The following TENM4 variants were observed in gnomAD, a reference collection of about 807,000 sequenced individuals.
TENM4 encodes the protein teneurin transmembrane protein 4.
In TENM4, 82 loss-of-function variants were observed where a neutral mutation model predicts 243.3. That is an observed-to-expected ratio of 0.34 (90% confidence interval 0.28 to 0.40). TENM4 has a LOEUF of 0.40. TENM4 is among the 10% of genes least tolerant of loss of function. The pLI, the probability that TENM4 is intolerant of heterozygous loss-of-function variation, is 1.00. For missense variants in TENM4, 3,138 were observed against 3,673.3 expected (o/e 0.85, Z 3.77); for synonymous variants, 1,412 against 1,456.3 (o/e 0.97, Z 0.69).
chr11:79,290,653 C>T (rs1246145345), intron 2 of TENM4, among the ~76,000 whole-genome samples: 2 of 152,056 alleles, frequency 1.3e-5, no homozygotes, highest in Non-Finnish European at 2.9e-5. Flanking sequence ...TCCTGTAATC[C>T]AGAAGATGAT....
At chr11:78,690,756 C>G (rs573088980) in intron 28 of TENM4, among the ~76,000 whole-genome samples, 1 of 152,262 alleles carries the variant, frequency 6.6e-6, no homozygotes, top group Admixed American at 6.5e-5. Context: ...AAGCTGGGTC[C>G]GGTCAGATCC....
At chr11:78,911,253 T>C (rs1856177982) in intron 6 of TENM4, among the ~76,000 whole-genome samples, 1 of 152,206 alleles carries the variant, frequency 6.6e-6, no homozygotes, top group African/African-American at 2.4e-5. Context: ...ATGCAATGAC[T>C]GGGACCAGTG....
At chr11:79,250,994 C>A (rs533932296) in intron 2 of TENM4, among the ~76,000 whole-genome samples, 1 of 152,032 alleles carries the variant, frequency 6.6e-6, no homozygotes, top group Admixed American at 6.6e-5. Context: ...TCTCTTCCCA[C>A]CAAAACTATA....
rs560303227 is a variant in TENM4, at chr11:78,814,718, T to C, written c.1682-323A>G. On this transcript the variant is annotated intron_variant, in intron 12 of 33. Transcript: ENST00000278550. ...TTTAACCTGTTAACAGTGGTTTTCT[T>C]TGGGTGGTGTGTTACTGGGTGATTC... Among the ~76,000 whole-genome samples, 3 of 152,362 alleles carry C rather than the reference T, an allele frequency of 2.0e-5. No homozygotes were observed. The South Asian group carries it at 6.2e-4, about 32-fold the overall frequency.
intron 30 of TENM4, among the ~76,000 whole-genome samples, chr11:78,674,621 T>C (rs778605757): frequency 6.6e-6 from 1 of 152,142 alleles, no homozygotes; most frequent in African/African-American, 2.4e-5. Context: ...AAACTTCCCA[T>C]TGAGGACACT....
chr11:78,936,362 T>A (rs559087044), intron 6 of TENM4, among the ~76,000 whole-genome samples: 1 of 152,322 alleles, frequency 6.6e-6, no homozygotes, highest in South Asian at 2.1e-4. Context: ...AAGTTCAGTG[T>A]TTTTATTGAA....
At chr11:79,268,191 T>C (rs1855911827) in intron 2 of TENM4, among the ~76,000 whole-genome samples, 1 of 152,176 alleles carries the variant, frequency 6.6e-6, no homozygotes, top group Non-Finnish European at 1.5e-5. Flanking sequence ...CAACAAACTT[T>C]TCCCTAAAGG....
chr11:79,031,568 C>T (rs1284308884), intron 6 of TENM4, among the ~76,000 whole-genome samples: 1 of 152,158 alleles, frequency 6.6e-6, no homozygotes, highest in Non-Finnish European at 1.5e-5. Context: ...CCGATCCAGG[C>T]ATGCAACAGG....
intron 1 of TENM4, among the ~76,000 whole-genome samples, chr11:79,307,248 G>A (rs1328723471): frequency 2.6e-5 from 4 of 152,110 alleles, no homozygotes; most frequent in South Asian, 2.1e-4. Flanking sequence ...ACGTGTTGTG[G>A]TGCTTGGGCC....
At chr11:79,279,671 C>T (rs991220640) in intron 2 of TENM4, among the ~76,000 whole-genome samples, 1 of 152,172 alleles carries the variant, frequency 6.6e-6, no homozygotes, top group African/African-American at 2.4e-5. Context: ...TTCCACTGAG[C>T]CTCTCCCCAT....
chr11:78,799,682 G>A (rs1379791898), intron 15 of TENM4, among the ~76,000 whole-genome samples: 2 of 152,166 alleles, frequency 1.3e-5, no homozygotes, highest in Admixed American at 6.5e-5. Flanking sequence ...CTGACTGCAC[G>A]TGTTACCTCC....
chr11:79,069,664 G>A, intron 5 of TENM4, 58 bp downstream of exon 5: 1 of 1,502,686 alleles, frequency 6.7e-7, no homozygotes, highest in South Asian at 1.3e-5. Flanking sequence ...CCGAGCCCAT[G>A]CCTACCTGAG....
chr11:78,963,898 T>C (rs1857384645), intron 6 of TENM4, among the ~76,000 whole-genome samples: 1 of 150,786 alleles, frequency 6.6e-6, no homozygotes, highest in Non-Finnish European at 1.5e-5. Flanking sequence ...GCCTATTTTT[T>C]TTTTCTTTTT....
intron 2 of TENM4, among the ~76,000 whole-genome samples, chr11:79,266,311 T>C (rs1855882937): frequency 6.6e-6 from 1 of 152,220 alleles, no homozygotes; most frequent in African/African-American, 2.4e-5. Context: ...GTGTCAACCA[T>C]ACCAAGCACA....
intron 6 of TENM4, among the ~76,000 whole-genome samples, chr11:79,000,762 G>A (rs577744612): frequency 4.6e-5 from 7 of 152,350 alleles, no homozygotes; most frequent in South Asian, 2.1e-4. Flanking sequence ...CGGGTGCAGC[G>A]GCTCATGCCT....
intron 6 of TENM4, among the ~76,000 whole-genome samples, chr11:78,927,745 T>A (rs1375787619): frequency 2.0e-5 from 3 of 152,186 alleles, no homozygotes; most frequent in African/African-American, 7.2e-5. Flanking sequence ...GCTAACCATG[T>A]CCTTCAAGTC....
intron 17 of TENM4, among the ~76,000 whole-genome samples, chr11:78,775,205 G>A (rs1048666518): frequency 1.1e-4 from 17 of 152,190 alleles, no homozygotes; most frequent in African/African-American, 3.6e-4. Flanking sequence ...ACCCCACCCA[G>A]TAACCTGTGT....
intron 2 of TENM4, among the ~76,000 whole-genome samples, chr11:79,266,693 A>G (rs981121541): frequency 1.3e-5 from 2 of 152,174 alleles, no homozygotes; most frequent in African/African-American, 4.8e-5. Context: ...TTTGATAGAG[A>G]CAGAGGCAGC....
At chr11:79,433,739 T>C (rs1034108450) in intron 1 of TENM4, among the ~76,000 whole-genome samples, 2 of 152,158 alleles carry the variant, frequency 1.3e-5, no homozygotes, top group Admixed American at 1.3e-4. Flanking sequence ...ATATGGCCTG[T>C]TTCCTTTCTG....
Sources: gnomAD v4.1 joint callset for allele counts (sites outside exome capture counted in the v4.1 genomes callset) on GRCh38, gnomAD v4.1.1 for gene constraint, MANE v1.5 for transcripts, NCBI Gene and HGNC (gene_info 2026-07-23, HGNC 2026-07-21) for gene names.